DNM3: variants seen among roughly 807,000 people sequenced by gnomAD.
DNM3 encodes the protein dynamin-3.
DNM3 carries 47 observed loss-of-function variants against 101.6 expected under a neutral mutation model. The observed-to-expected ratio is 0.46, with a 90% CI of 0.37 to 0.59. The LOEUF (loss-of-function observed/expected upper bound fraction) is 0.59, where lower values mean the gene tolerates loss of function less well. DNM3 is among the 20% of genes least tolerant of loss of function. DNM3 has a pLI of 0.00. For missense variants in DNM3, 849 were observed against 1,085.7 expected, an observed-to-expected ratio of 0.78 and a Z score of 3.06; for synonymous variants, 385 against 387.9, an observed-to-expected ratio of 0.99 and a Z score of 0.09.
At chr1:172,271,789 C>G (rs924312466) in intron 15 of DNM3, among the ~76,000 whole-genome samples, 24 of 152,076 alleles carry the variant, frequency 1.6e-4, no homozygotes, top group Non-Finnish European at 2.5e-4. Flanking sequence ...TTTGTAACAT[C>G]ATACATTTGT....
At chr1:172,104,841 G>A (rs1158209253) in intron 13 of DNM3, among the ~76,000 whole-genome samples, 1 of 152,180 alleles carries the variant, frequency 6.6e-6, no homozygotes, top group African/African-American at 2.4e-5. Context: ...ATGGTAGGAG[G>A]TGAGGCACTA....
At chr1:172,308,870 T>G in intron 16 of DNM3, 31 bp downstream of exon 16, 1 of 1,283,320 alleles carries the variant, frequency 7.8e-7, no homozygotes, top group Non-Finnish European at 1.1e-6. Flanking sequence ...ATGTAAAAAT[T>G]ATTATTAGCT....
chr1:172,410,648 A>G lies in DNM3; in HGVS notation c.*2807A>G. On this transcript the variant is annotated 3_prime_UTR_variant, in exon 21 of 21. Coordinates refer to ENST00000627582, the MANE Select transcript of DNM3 (RefSeq NM_015569.5). Reference sequence around the variant, plus strand: ...AACATCTACCAAGGTTACTCGTCTGAATATTGCTTTTAGCCGTGTTTTATA... The same window carrying G: ...AACATCTACCAAGGTTACTCGTCTGGATATTGCTTTTAGCCGTGTTTTATA... 1.0e-6 allele frequency: 1 copy of G among 985,340 alleles called. No individual in the cohort carries two copies. Among genetic ancestry groups the G allele is most frequent in the Non-Finnish European group, 1.2e-6 (1 of 829,836 alleles). 61.0% of individuals were successfully genotyped at this position (985,340 alleles called of 1,614,324 possible).
rs974251873 is a variant in DNM3, at chr1:172,385,984, G to A, written c.2059-1149G>A. ...TAAGGGAATGGGCACCGGACTTCAA[G>A]TCAGAAGGTTATGGATTCAACTGAA... On this transcript the variant is annotated intron_variant, in intron 18 of 20. Coordinates refer to ENST00000627582, the MANE Select transcript of DNM3 (RefSeq NM_015569.5). Among the ~76,000 whole-genome samples, 8 of 152,298 alleles carry A rather than the reference G, an allele frequency of 5.3e-5. No individual in the cohort carries two copies. In the East Asian group the frequency reaches 1.5e-3, roughly 29 times the overall value.
chr1:172,070,611 ATGT>A (rs2052087099), intron 11 of DNM3, among the ~76,000 whole-genome samples: 2 of 152,246 alleles, frequency 1.3e-5, no homozygotes, highest in Non-Finnish European at 1.5e-5. Context: ...AAACTTCACC[ATGT>A]TGTTAAGATT....
intron 17 of DNM3, among the ~76,000 whole-genome samples, chr1:172,325,632 C>A (rs535659480): frequency 1.3e-5 from 2 of 151,986 alleles, no homozygotes; most frequent in Non-Finnish European, 2.9e-5. Flanking sequence ...ACAAGCTGTG[C>A]TGTCTCCGGA....
At chr1:172,275,307 A>C (rs1343174497) in intron 15 of DNM3, among the ~76,000 whole-genome samples, 1 of 152,056 alleles carries the variant, frequency 6.6e-6, no homozygotes, top group Non-Finnish European at 1.5e-5. Context: ...ATGATAGAAC[A>C]TACAGAACAA....
intron 20 of DNM3, among the ~76,000 whole-genome samples, chr1:172,417,841 T>TC (rs1477368849): frequency 6.6e-6 from 1 of 152,152 alleles, no homozygotes; most frequent in Non-Finnish European, 1.5e-5. Flanking sequence ...CAACTCCCTC[T>TC]CCCCCTATGG....
chr1:172,199,945 A>G (rs560269104), intron 14 of DNM3, among the ~76,000 whole-genome samples: 1 of 152,028 alleles, frequency 6.6e-6, no homozygotes, highest in African/African-American at 2.4e-5. Flanking sequence ...TGATCCTATT[A>G]TTGTGCTGTT....
At chr1:172,274,591 G>A (rs917079399) in intron 15 of DNM3, among the ~76,000 whole-genome samples, 1 of 151,756 alleles carries the variant, frequency 6.6e-6, no homozygotes, top group Non-Finnish European at 1.5e-5. Flanking sequence ...TGAGCTGTTG[G>A]ATTTTTTTTA....
At chr1:172,133,508 GAT>G in intron 14 of DNM3, 1 of 850,990 alleles carries the variant, frequency 1.2e-6, no homozygotes, top group Non-Finnish European at 1.4e-6. Context: ...GAATTATTTA[GAT>G]GAAGAAATTC....
intron 4 of DNM3, among the ~76,000 whole-genome samples, chr1:172,017,613 C>T (rs2047535841): frequency 6.6e-6 from 1 of 152,126 alleles, no homozygotes; most frequent in Admixed American, 6.6e-5. Flanking sequence ...TAGTGTCTAT[C>T]TTCGTGAGTG....
intron 11 of DNM3, among the ~76,000 whole-genome samples, chr1:172,071,116 T>TATATATATATATATATATATATATATAC (rs2052150642): frequency 7.2e-6 from 1 of 138,542 alleles, no homozygotes; most frequent in Non-Finnish European, 1.5e-5. Context: ...TATATATATA[T>TATATATATATATATATATATATATATAC]ATATCTTAGT....
downstream of DNM3, among the ~76,000 whole-genome samples, chr1:172,413,682 T>A (rs1027577037): frequency 6.6e-6 from 1 of 152,244 alleles, no homozygotes; most frequent in Admixed American, 6.5e-5. Context: ...GATTGTGCCA[T>A]CTAAATGCAG....
intron 10 of DNM3, among the ~76,000 whole-genome samples, chr1:172,059,069 C>G (rs923270345): frequency 6.6e-6 from 1 of 151,974 alleles, no homozygotes; most frequent in African/African-American, 2.4e-5. Flanking sequence ...ACAAACACCT[C>G]TACGCAAATA....
chr1:172,378,235 G>C (rs900693738), intron 17 of DNM3: 6 of 152,046 alleles, frequency 3.9e-5, no homozygotes, highest in Non-Finnish European at 8.8e-5. Context: ...CCTTAATGAT[G>C]AAGAAGCCAT....
chr1:171,941,808 T>C lies in DNM3; in HGVS notation c.235+19987T>C, dbSNP rs186825244. Reference sequence around the variant, plus strand: ...CACATATTTCCCATTTCTGTGTCAGTGCTATCATTTTCTAATTATGCCCAA... The same window carrying C: ...CACATATTTCCCATTTCTGTGTCAGCGCTATCATTTTCTAATTATGCCCAA... On this transcript the variant is annotated intron_variant, in intron 2 of 20. Coordinates refer to ENST00000627582, the MANE Select transcript of DNM3 (RefSeq NM_015569.5). Among the ~76,000 whole-genome samples, 295 of 152,340 alleles carry C rather than the reference T, an allele frequency of 1.9e-3. 6 individuals are homozygous for C. Among genetic ancestry groups the C allele is most frequent in the Non-Finnish European group, 1.8e-4 (12 of 68,032 alleles).
At chr1:171,876,107 C>A (rs1015436713) in intron 1 of DNM3, among the ~76,000 whole-genome samples, 1 of 151,782 alleles carries the variant, frequency 6.6e-6, no homozygotes, top group Non-Finnish European at 1.5e-5. Context: ...CTGCGCCTGG[C>A]CAAAAAGAGT....
chr1:172,029,754 C>A (rs1324565454), intron 4 of DNM3, among the ~76,000 whole-genome samples: 1 of 152,150 alleles, frequency 6.6e-6, no homozygotes, highest in Non-Finnish European at 1.5e-5. Flanking sequence ...CATTCCTATA[C>A]ACCAATAAGA....
Sources: allele counts gnomAD v4.1 joint callset (sites outside exome capture counted in the v4.1 genomes callset), GRCh38; gene constraint gnomAD v4.1.1; transcripts MANE v1.5; gene names NCBI Gene and HGNC (gene_info 2026-07-23, HGNC 2026-07-21).